The following PHYH variants were observed in gnomAD, a reference collection of about 807,000 sequenced individuals.
PHYH encodes the protein phytanoyl-CoA 2-hydroxylase.
In PHYH, 32 loss-of-function variants were observed where a neutral mutation model predicts 38.5. That is an observed-to-expected ratio of 0.83 (90% confidence interval 0.63 to 1.12). The LOEUF is 1.12. Ranked by LOEUF, PHYH falls within the 50% of genes most tolerant of loss-of-function variation. PHYH has a pLI of 0.00. For missense variants in PHYH, 426 were observed against 434.8 expected (o/e 0.98, Z 0.18); for synonymous variants, 166 against 157.9 (o/e 1.05, Z -0.38).
At chr10:13,281,665 A>G (rs1197387868) in intron 7 of PHYH, among the ~76,000 whole-genome samples, 4 of 152,344 alleles carry the variant, frequency 2.6e-5, no homozygotes, top group East Asian at 1.9e-4. Context: ...TTCTGAGGGT[A>G]AGGATGAAAT....
At chr10:13,294,621 TGTC>T (rs770236560) in intron 3 of PHYH, 25 bp from the exon 4 acceptor site, 9 of 1,610,436 alleles carry the variant, frequency 5.6e-6, no homozygotes, top group African/African-American at 5.3e-5. Flanking sequence ...TTGCAAATGA[TGTC>T]GTTACCGCTG....
chr10:13,286,770 C>A (rs1835561592), intron 6 of PHYH, among the ~76,000 whole-genome samples: 1 of 151,200 alleles, frequency 6.6e-6, no homozygotes, highest in African/African-American at 2.4e-5. Context: ...AAAATCACTA[C>A]ACTGAGTGAA....
rs752028596 is a variant in PHYH at position 13,288,526 on chromosome 10, C to T, written c.512G>A (p.Arg171His). ...GTGCAGGTCCTGGTGCAGGGGGTGA[C>T]GGGACGTCTTCTTGCCTGAAAAGAA... Reference protein sequence around the residue: ...KPPDSGKKTSRHPLHQDLHYF... With the variant: ...KPPDSGKKTSHHPLHQDLHYF... The change falls in exon 6 of 9, where the codon CGT becomes CAT. Residue 171 changes from arginine to histidine, a missense_variant. Transcript: ENST00000263038. The T allele has an allele frequency of 3.7e-6, 6 of 1,613,924 alleles. No individual in the cohort carries two copies. Among genetic ancestry groups the T allele is most frequent in the Non-Finnish European group, 5.1e-6 (6 of 1,180,020 alleles).
At chr10:13,299,691 G>A (rs1832695513) in intron 1 of PHYH, 4 of 1,264,950 alleles carry the variant, frequency 3.2e-6, no homozygotes, top group Non-Finnish European at 4.0e-6. Context: ...TCTCCACAAA[G>A]AGAGGAGCAG....
At chr10:13,298,896 G>A (rs189379749) in intron 1 of PHYH, among the ~76,000 whole-genome samples, 40,415 of 142,676 alleles carry the variant, frequency 0.28, 6,015 homozygotes, top group African/African-American at 0.39. Flanking sequence ...ACTCCAGCCT[G>A]ACCACAGAGC....
At chr10:13,287,855 T>C (rs1482046594) in intron 6 of PHYH, among the ~76,000 whole-genome samples, 2 of 152,170 alleles carry the variant, frequency 1.3e-5, no homozygotes, top group Admixed American at 6.5e-5. Context: ...ATACAGTACC[T>C]ACCCAAGCTC....
At chr10:13,296,414 T>TA (rs1182544169) in intron 2 of PHYH, among the ~76,000 whole-genome samples, 1 of 150,876 alleles carries the variant, frequency 6.6e-6, no homozygotes, top group Non-Finnish European at 1.5e-5. Flanking sequence ...CCATCTCTAC[T>TA]AAAAATACAA....
chr10:13,298,037 C>G, intron 2 of PHYH, 150 bp downstream of exon 2: 1 of 584,686 alleles, frequency 1.7e-6, no homozygotes, highest in South Asian at 2.2e-5. Context: ...AAATTTTCCA[C>G]AAGTGCACTA....
In PHYH at chr10:13,287,538, A is replaced by T. The variant is rs148515936; in HGVS notation, c.678+822T>A. Among the ~76,000 whole-genome samples the T allele has an allele frequency of 5.6e-3, 845 of 152,194 alleles. 13 individuals are homozygous for T. Among genetic ancestry groups the T allele is most frequent in the African/African-American group, 0.019 (780 of 41,546 alleles). On this transcript the variant is annotated intron_variant, in intron 6 of 8. Transcript: ENST00000263038. ...AAAATACACCCCCAGCGCCCAGCCC[A>T]TCTAGACTGCAAGCTCCCTGGGTCT...
intron 6 of PHYH, among the ~76,000 whole-genome samples, chr10:13,285,430 C>A (rs182682180): frequency 6.6e-6 from 1 of 152,046 alleles, no homozygotes; most frequent in Admixed American, 6.6e-5. Context: ...GTGATCCACC[C>A]GCCACGGCCT....
In PHYH at chr10:13,283,754, G is replaced by C. The variant is rs774759310; in HGVS notation, c.764C>G (p.Thr255Ser). Residue 255 changes from threonine (T) to serine (S), a missense_variant, in exon 7 of 9, where the codon ACT (threonine) becomes AGT (serine). By Grantham distance (58) the Thr-to-Ser change is moderately conservative. Transcript: ENST00000263038. ...RVHLVMEKGD[T>S]VFFHPLLIHG... ...GATGAGCAAAGGATGGAAGAAAACA[G>C]TGTCGCCCTTCTCCATCACCAGGTG... 10 of 1,613,944 alleles carry C rather than the reference G, an allele frequency of 6.2e-6. No homozygotes were observed. Among genetic ancestry groups the C allele is most frequent in the Non-Finnish European group, 2.5e-6 (3 of 1,179,974 alleles).
chr10:13,280,921 A>G, intron 8 of PHYH, 55 bp downstream of exon 8: 1 of 1,515,696 alleles, frequency 6.6e-7, no homozygotes, highest in Non-Finnish European at 9.2e-7. Context: ...ATTATGAAGC[A>G]TCTGAAGAAA....
intron 1 of PHYH, chr10:13,299,572 C>T: frequency 9.8e-7 from 1 of 1,024,772 alleles, no homozygotes; most frequent in African/African-American, 1.7e-5. Context: ...CACTGCCTGC[C>T]TGGGCCGGTT....
In PHYH at chr10:13,299,981, G is replaced by GA; in HGVS notation, c.61dup (p.Ser21PhefsTer30). On this transcript the variant is annotated frameshift_variant, in exon 1 of 9. Transcript: ENST00000263038. LOFTEE classifies it high-confidence loss of function. ...CCCAAAGGATACGACAGCCCCGGCC[G>GA]AGGGGCGGCCGAGGTGGCCCAGAAC... 6.5e-7 allele frequency: 1 copy of GA among 1,531,150 alleles called. No individual in the cohort carries two copies. The highest frequency in any genetic ancestry group is 1.2e-5 in the South Asian group (1 of 83,092). The allele number at this position is 1,531,150 out of a possible 1,614,324, so 94.8% of individuals were successfully genotyped here. A position where few individuals can be genotyped will look rare whatever the true frequency, so the allele number is the denominator to read the frequency against.
Position 13,278,289 on chromosome 10 carries a change from C to A in PHYH, c.*12G>T. On this transcript the variant is annotated 3_prime_UTR_variant, in exon 9 of 9. Coordinates refer to ENST00000263038, the MANE Select transcript of PHYH (RefSeq NM_006214.4). ...TGGTTTTCTGTTGAAAGAGTTATAG[C>A]AGATGGCTATTTCAAAGATTGGTTC... 1 of 1,589,614 alleles carries A rather than the reference C, an allele frequency of 6.3e-7. No homozygotes were observed. Among genetic ancestry groups the A allele is most frequent in the South Asian group, 1.1e-5 (1 of 90,598 alleles).
chr10:13,288,677 G>A (rs1835622755), intron 5 of PHYH, 136 bp from the exon 6 acceptor site: 2 of 781,534 alleles, frequency 2.6e-6, no homozygotes, highest in South Asian at 3.0e-5. Flanking sequence ...GAGCCTGGGA[G>A]TTCAAAACCA....
In PHYH at chr10:13,288,536, T is replaced by C; in HGVS notation, c.502A>G (p.Lys168Glu). The C allele has an allele frequency of 6.2e-7, 1 of 1,614,002 alleles. No homozygotes were observed. The highest frequency in any genetic ancestry group is 8.5e-7 in the Non-Finnish European group (1 of 1,179,992). The change falls in exon 6 of 9, where the codon AAG becomes GAG. Residue 168 changes from lysine to glutamate, a missense_variant. Transcript: ENST00000263038. ...TGGTGCAGGGGGTGACGGGACGTCT[T>C]CTTGCCTGAAAAGAAAACCTGCTAC... ...LINKPPDSGK[K>E]TSRHPLHQDL...
At chr10:13,296,184 G>C (rs1835844308) in intron 2 of PHYH, among the ~76,000 whole-genome samples, 1 of 150,574 alleles carries the variant, frequency 6.6e-6, no homozygotes, top group South Asian at 2.1e-4. Flanking sequence ...CAAAAACAAA[G>C]ACAAAAACAA....
In PHYH at chr10:13,279,818, G is replaced by A. The variant is rs116464606; in HGVS notation, c.963+1158C>T. On this transcript the variant is annotated intron_variant, in intron 8 of 8. Coordinates refer to ENST00000263038, the MANE Select transcript of PHYH (RefSeq NM_006214.4). ...TTCTCCCTTAAAATTTAGGATGTTA[G>A]CTCAAAGCTCCAGTTGACAAAATGT... Among the ~76,000 whole-genome samples, 1,030 of 152,264 alleles carry A rather than the reference G, an allele frequency of 6.8e-3. 14 individuals carry two copies. Among genetic ancestry groups the A allele is most frequent in the African/African-American group, 0.023 (963 of 41,546 alleles).
Sources: allele counts gnomAD v4.1 joint callset (sites outside exome capture counted in the v4.1 genomes callset), GRCh38; gene constraint gnomAD v4.1.1; transcripts MANE v1.5; gene names NCBI Gene and HGNC (gene_info 2026-07-23, HGNC 2026-07-21).